CCDC66: variants seen among roughly 807,000 people sequenced by gnomAD.
CCDC66 encodes the protein coiled-coil domain containing 66, also known as coiled-coil domain-containing protein 66.
Under a neutral mutation model 128.3 loss-of-function variants are expected in CCDC66, and 133 were observed. That is an observed-to-expected ratio of 1.04 (90% CI 0.90 to 1.20). The LOEUF (loss-of-function observed/expected upper bound fraction) is 1.20, where lower values mean the gene tolerates loss of function less well. CCDC66 is among the 50% of genes most tolerant of loss of function. The probability of loss-of-function intolerance (pLI) is 0.00; values close to 1 mark genes in which losing one functional copy is unlikely to be tolerated. For synonymous variants in CCDC66, 387 were observed against 357.0 expected (o/e 1.08, Z -0.95); for missense variants, 1,126 against 1,075.5 (o/e 1.05, Z -0.66).
intron 7 of CCDC66, among the ~76,000 whole-genome samples, chr3:56,580,808 G>C (rs1299396720): frequency 6.6e-6 from 1 of 151,812 alleles, no homozygotes; most frequent in Non-Finnish European, 1.5e-5. Flanking sequence ...TCCCTTTGTG[G>C]GTAACCTGAC....
At chr3:56,590,071 T>C (rs1446800745) in intron 7 of CCDC66, among the ~76,000 whole-genome samples, 1 of 152,158 alleles carries the variant, frequency 6.6e-6, no homozygotes, top group Admixed American at 6.5e-5. Context: ...TGTCCCGACA[T>C]CCCTACCACC....
chr3:56,602,372 C>T (rs1046643536), intron 10 of CCDC66, among the ~76,000 whole-genome samples: 4 of 151,956 alleles, frequency 2.6e-5, no homozygotes, highest in Admixed American at 2.6e-4. Context: ...TTTGATTTGA[C>T]AGTATTTTGT....
chr3:56,579,864 A>G (rs4270475), intron 7 of CCDC66, among the ~76,000 whole-genome samples: 148,950 of 151,886 alleles, frequency 0.98, 73,110 homozygotes, highest in Middle Eastern at 1. Context: ...GTGATGTGGT[A>G]CTGAGAAGAA....
At chr3:56,582,020 C>T (rs1368871704) in intron 7 of CCDC66, among the ~76,000 whole-genome samples, 1 of 151,938 alleles carries the variant, frequency 6.6e-6, no homozygotes, top group Non-Finnish European at 1.5e-5. Context: ...GAGGTGGAGT[C>T]TACAGAGGCA....
Position 56,593,952 on chromosome 3 carries a change from G to A in CCDC66, c.1328G>A (p.Arg443His), listed in dbSNP as rs148495007. 78 of 1,614,104 alleles carry A rather than the reference G, an allele frequency of 4.8e-5. No homozygotes were observed. The highest frequency in any genetic ancestry group is 4.8e-4 in the African/African-American group (36 of 75,024). The change falls in exon 10 of 18, where the codon CGT becomes CAT. Residue 443 changes from arginine to histidine, a missense_variant. Arg to His is a conservative substitution (Grantham distance 29). Coordinates refer to ENST00000394672, the MANE Select transcript of CCDC66 (RefSeq NM_001141947.3). ...MANSKKTNFL[R>H]SMTALLDPAQ... is the part of the protein sequence containing the mutation. ...TGTATGTATCTTGCCAGCTTTCTCC[G>A]TTCTATGACTGCTCTCTTGGACCCA...
intron 14 of CCDC66, chr3:56,617,897 T>A: frequency 1.8e-6 from 1 of 569,802 alleles, no homozygotes; most frequent in Non-Finnish European, 3.1e-6. Flanking sequence ...ATCGAGTCCT[T>A]TACACTTACA....
At chr3:56,557,326 T>A in intron 1 of CCDC66, 73 bp downstream of exon 1, 1 of 1,534,056 alleles carries the variant, frequency 6.5e-7, no homozygotes. Context: ...CATGTGTGTC[T>A]GGGTTGTCCC....
chr3:56,569,318 C>T lies in CCDC66; in HGVS notation c.815-1863C>T, dbSNP rs1437867058. On this transcript the variant is annotated intron_variant, in intron 6 of 17. Transcript: ENST00000394672. The stretch of plus-strand genomic sequence containing the variant: ...GAGGTTTATTTGGCCCACAGTTTTG[C>T]AGACTGTACAAGCATGGTACCAGCA... The T allele has an allele frequency of 1.2e-5, 4 of 333,294 alleles. No homozygotes were observed. In the East Asian group the frequency reaches 2.8e-4, roughly 23 times the overall value. The allele number at this position is 333,294 out of a possible 1,614,324, so 20.6% of individuals were successfully genotyped here.
rs149475199 is a variant in CCDC66, at chr3:56,567,039, G to A, written c.800G>A (p.Trp267Ter). The A allele has an allele frequency of 1.2e-3, 1,976 of 1,612,980 alleles. 3 individuals are homozygous for A. Among genetic ancestry groups the A allele is most frequent in the Admixed American group, 1.9e-3 (115 of 60,016 alleles). The change falls in exon 6 of 18, where the codon TGG (tryptophan) becomes TAG (stop). Residue 267 changes from tryptophan to a stop codon, truncating the protein, a stop_gained. Transcript: ENST00000394672. LOFTEE classifies it high-confidence loss of function. ...RSSLEAKKAQ[W>*]RKELDEQVAL... ...TCGTTGGAAGCAAAAAAAGCCCAGT[G>A]GAGGAAAGAGCTAGGTAGGTAACTT... is the stretch of plus-strand genomic sequence containing the variant.
Position 56,587,048 on chromosome 3 carries a change from G to C in CCDC66, c.937-5922G>C, listed in dbSNP as rs575977304. On this transcript the variant is annotated intron_variant, in intron 7 of 17. Transcript: ENST00000394672. ...CAGAGCAAGACCCTGTCTCTAAAAA[G>C]AGATAAGATGCCAATATATTATTAC... Among the ~76,000 whole-genome samples, 147 of 151,932 alleles carry C rather than the reference G, an allele frequency of 9.7e-4. 3 individuals are homozygous for C. The highest frequency in any genetic ancestry group is 3.3e-3 in the African/African-American group (139 of 41,540).
chr3:56,593,069 A>G lies in CCDC66; in HGVS notation c.1036A>G (p.Arg346Gly). 1.9e-6 allele frequency: 3 copies of G among 1,603,406 alleles called. No individual in the cohort carries two copies. Among genetic ancestry groups the G allele is most frequent in the Non-Finnish European group, 2.6e-6 (3 of 1,173,888 alleles). The change falls in exon 8 of 18, where the codon AGA becomes GGA. Residue 346 changes from arginine (R) to glycine (G), a missense_variant. Physicochemically the swap from Arg to Gly is moderately radical, Grantham distance 125. Coordinates refer to ENST00000394672, the MANE Select transcript of CCDC66 (RefSeq NM_001141947.3). ...TAAGCAAATAGAAGATGACCGTCAAAGAAAAATAGAGGAAAAAATTATATA... is the reference window on the plus strand; with the variant it reads ...TAAGCAAATAGAAGATGACCGTCAAGGAAAAATAGAGGAAAAAATTATATA... ...LNKQIEDDRQ[R>G]KIEEKIIYSK...
intron 2 of CCDC66, 113 bp downstream of exon 2, chr3:56,559,023 G>C: frequency 5.1e-6 from 4 of 777,644 alleles, no homozygotes; most frequent in South Asian, 1.9e-5. Context: ...TGATATTTTA[G>C]AAAAAGCTGT....
At chr3:56,575,229 C>G (rs1039708202) in intron 7 of CCDC66, among the ~76,000 whole-genome samples, 1 of 151,808 alleles carries the variant, frequency 6.6e-6, no homozygotes, top group African/African-American at 2.4e-5. Context: ...GCACTGTGTT[C>G]CAATTTCTTC....
intron 10 of CCDC66, among the ~76,000 whole-genome samples, chr3:56,600,990 C>A (rs2073061078): frequency 6.6e-6 from 1 of 152,098 alleles, no homozygotes; most frequent in South Asian, 2.1e-4. Context: ...TAATTAGATC[C>A]CATTTGTCAA....
At chr3:56,595,126 A>G (rs1250349050) in intron 10 of CCDC66, among the ~76,000 whole-genome samples, 1 of 152,302 alleles carries the variant, frequency 6.6e-6, no homozygotes, top group Non-Finnish European at 1.5e-5. Flanking sequence ...AAATTGATAT[A>G]TAATGTTTTA....
chr3:56,560,845 C>T lies in CCDC66; in HGVS notation c.102+1251C>T, dbSNP rs1234205116. 4 of 453,066 alleles carry T rather than the reference C, an allele frequency of 8.8e-6. No individual in the cohort carries two copies. The Admixed American group carries it at 9.6e-5, about 11-fold the overall frequency. The allele number at this position is 453,066 out of a possible 1,614,324, so 28.1% of individuals were successfully genotyped here. On this transcript the variant is annotated intron_variant, in intron 3 of 17. Transcript: ENST00000394672. ...TTCTCTTCCATAACTTACTACAGCC[C>T]CCTTTTATCTTTGCAGTGTCTTAAA...
chr3:56,568,933 G>A (rs75130039), intron 6 of CCDC66, among the ~76,000 whole-genome samples: 3,918 of 152,322 alleles, frequency 0.026, 94 homozygotes, highest in African/African-American at 0.06. Flanking sequence ...CGTAACAGTT[G>A]TATTTCTTAG....
intron 7 of CCDC66, among the ~76,000 whole-genome samples, chr3:56,585,233 A>G (rs2069461536): frequency 6.6e-6 from 1 of 151,858 alleles, no homozygotes; most frequent in South Asian, 2.1e-4. Flanking sequence ...GTGGTCCAGG[A>G]AATCTTTGTA....
At chr3:56,597,508 A>G (rs1189836483) in intron 10 of CCDC66, among the ~76,000 whole-genome samples, 2 of 152,044 alleles carry the variant, frequency 1.3e-5, no homozygotes, top group Non-Finnish European at 2.9e-5. Flanking sequence ...ATCCATGAAC[A>G]TGGGATGTCT....
Sources: gnomAD v4.1 joint callset for allele counts (sites outside exome capture counted in the v4.1 genomes callset) on GRCh38, gnomAD v4.1.1 for gene constraint, MANE v1.5 for transcripts, NCBI Gene and HGNC (gene_info 2026-07-23, HGNC 2026-07-21) for gene names.